Variants in RALYL observed in about 807,000 individuals in gnomAD.
RALYL encodes the protein RNA-binding Raly-like protein.
In RALYL, 29 loss-of-function variants were observed where a neutral mutation model predicts 35.1. The observed-to-expected ratio is 0.83, with a 90% CI of 0.61 to 1.13. The LOEUF is 1.13. RALYL is among the 50% of genes most tolerant of loss of function. The pLI is 0.00. For synonymous variants in RALYL, 120 were observed against 127.6 expected (o/e 0.94, Z 0.40); for missense variants, 359 against 360.4 (o/e 1.00, Z 0.03).
rs1364760777 is a variant in RALYL at position 84,459,692 on chromosome 8, A to G, written c.-23-69607A>G. ...TGTTTTGATGGCTTCTATTTTCTCT[A>G]TAAATAAAATTGCTGAAATCATCTC... On this transcript the variant is annotated intron_variant, in intron 1 of 8. Coordinates refer to ENST00000521268, the MANE Select transcript of RALYL (RefSeq NM_173848.7). 2.6e-5 allele frequency among the ~76,000 whole-genome samples: 4 copies of G among 151,750 alleles called. No homozygotes were observed. In the South Asian group the frequency reaches 6.2e-4, roughly 24 times the overall value.
intron 1 of RALYL, among the ~76,000 whole-genome samples, chr8:84,270,161 G>A (rs1207659736): frequency 1.3e-5 from 2 of 152,132 alleles, no homozygotes; most frequent in Non-Finnish European, 2.9e-5. Context: ...CAAATCCAAA[G>A]AACAAATTGT....
chr8:84,750,554 T>C (rs1003153531), intron 2 of RALYL, among the ~76,000 whole-genome samples: 2 of 152,212 alleles, frequency 1.3e-5, no homozygotes, highest in Non-Finnish European at 2.9e-5. Flanking sequence ...TGTTGAAATG[T>C]AATCCTCAAT....
At chr8:84,850,141 TTAAAAA>T (rs1835537555) in intron 5 of RALYL, 114 bp downstream of exon 5, 3 of 502,902 alleles carry the variant, frequency 6.0e-6, no homozygotes, top group Non-Finnish European at 1.0e-5. Flanking sequence ...ATTATTATAG[TTAAAAA>T]TAAAATACTA....
At chr8:84,453,284 A>C (rs1438448192) in intron 1 of RALYL, among the ~76,000 whole-genome samples, 5 of 151,918 alleles carry the variant, frequency 3.3e-5, no homozygotes. Flanking sequence ...ATTCTATCTC[A>C]AGAGGTGCTT....
chr8:84,518,744 C>G (rs534475721), intron 1 of RALYL, among the ~76,000 whole-genome samples: 1 of 152,288 alleles, frequency 6.6e-6, no homozygotes, highest in African/African-American at 2.4e-5. Context: ...TCCAAAGCTG[C>G]ATCAGTAATG....
At chr8:84,365,132 C>T (rs554380908) in intron 1 of RALYL, among the ~76,000 whole-genome samples, 9 of 152,172 alleles carry the variant, frequency 5.9e-5, no homozygotes, top group African/African-American at 1.9e-4. Flanking sequence ...AATTTTCACT[C>T]TTGGACTATT....
At chr8:84,511,475 A>G (rs2057615782) in intron 1 of RALYL, among the ~76,000 whole-genome samples, 1 of 152,306 alleles carries the variant, frequency 6.6e-6, no homozygotes, top group African/African-American at 2.4e-5. Flanking sequence ...ATTTTGATAC[A>G]TGTGTACAAT....
chr8:84,323,269 A>T (rs575957337), intron 1 of RALYL, among the ~76,000 whole-genome samples: 1 of 152,090 alleles, frequency 6.6e-6, no homozygotes, highest in Non-Finnish European at 1.5e-5. Flanking sequence ...AATATATTGC[A>T]TATAAAATTA....
At chr8:84,368,278 C>T (rs1363256043) in intron 1 of RALYL, among the ~76,000 whole-genome samples, 1 of 152,124 alleles carries the variant, frequency 6.6e-6, no homozygotes, top group East Asian at 1.9e-4. Flanking sequence ...GTGTATATTA[C>T]AAACGTAGTT....
At chr8:84,758,134 A>G (rs1231604543) in intron 2 of RALYL, among the ~76,000 whole-genome samples, 1 of 152,192 alleles carries the variant, frequency 6.6e-6, no homozygotes, top group Non-Finnish European at 1.5e-5. Flanking sequence ...TCGTAATCCA[A>G]ATAAAAGCTG....
At position 84,351,554 on chromosome 8, in the gene RALYL, C is replaced by A. The variant is rs188564209; in HGVS notation, c.-24+167130C>A. On this transcript the variant is annotated intron_variant, in intron 1 of 8. Transcript: ENST00000521268. ...CCTCTGAATTATCCCTACCATGTGG[C>A]CAACTAGATACCCTTCAATATGGCC... Among the ~76,000 whole-genome samples, 1,066 of 149,616 alleles carry A rather than the reference C, an allele frequency of 7.1e-3. 57 individuals are homozygous for A. Among genetic ancestry groups the A allele is most frequent in the Non-Finnish European group, 9.1e-3 (615 of 67,586 alleles).
chr8:84,368,980 G>A (rs1422622763), intron 1 of RALYL, among the ~76,000 whole-genome samples: 2 of 152,122 alleles, frequency 1.3e-5, no homozygotes, highest in Non-Finnish European at 2.9e-5. Flanking sequence ...TTTTTCCATC[G>A]CATGAATTAG....
chr8:84,281,952 C>A (rs911931344), intron 1 of RALYL, among the ~76,000 whole-genome samples: 1 of 152,088 alleles, frequency 6.6e-6, no homozygotes, highest in Admixed American at 6.6e-5. Context: ...CATGTTGATG[C>A]TACTCTTCTA....
At chr8:84,528,620 A>ATGTTT (rs1005895689) in intron 1 of RALYL, among the ~76,000 whole-genome samples, 3 of 152,038 alleles carry the variant, frequency 2.0e-5, no homozygotes, top group African/African-American at 7.2e-5. Flanking sequence ...ACTGGCTCTT[A>ATGTTT]TGTTTTGTTT....
At chr8:84,191,672 T>A (rs1383672281) in intron 1 of RALYL, among the ~76,000 whole-genome samples, 5 of 152,202 alleles carry the variant, frequency 3.3e-5, no homozygotes, top group Admixed American at 1.3e-4. Flanking sequence ...AGTTGTGCAA[T>A]TTAAATCAGT....
At chr8:84,447,052 C>T (rs2048933661) in intron 1 of RALYL, among the ~76,000 whole-genome samples, 1 of 152,082 alleles carries the variant, frequency 6.6e-6, no homozygotes, top group Non-Finnish European at 1.5e-5. Context: ...TTCCCCTTTC[C>T]ACCCCAGGTC....
chr8:84,546,320 A>G (rs1308374928), intron 2 of RALYL, among the ~76,000 whole-genome samples: 2 of 152,024 alleles, frequency 1.3e-5, no homozygotes, highest in African/African-American at 2.4e-5. Context: ...GGGTTTTGCT[A>G]TGTTGCCCAT....
chr8:84,471,486 C>G (rs2133707842), intron 1 of RALYL, among the ~76,000 whole-genome samples: 1 of 151,626 alleles, frequency 6.6e-6, no homozygotes, highest in East Asian at 1.9e-4. Context: ...CCTAGCTACT[C>G]TGGGGGCTGA....
At chr8:84,237,066 ACT>A (rs1826750101) in intron 1 of RALYL, among the ~76,000 whole-genome samples, 1 of 152,122 alleles carries the variant, frequency 6.6e-6, no homozygotes, top group South Asian at 2.1e-4. Context: ...AGTAAATAAA[ACT>A]CTTTTCAAGC....
Sources: gnomAD v4.1 joint callset for allele counts (sites outside exome capture counted in the v4.1 genomes callset) on GRCh38, gnomAD v4.1.1 for gene constraint, MANE v1.5 for transcripts, NCBI Gene and HGNC (gene_info 2026-07-23, HGNC 2026-07-21) for gene names.